The following SYNJ1 variants were observed in gnomAD, a reference collection of about 807,000 sequenced individuals.
SYNJ1 encodes the protein polyphosphatidylinositol phosphatase SYNJ1.
SYNJ1 carries 78 observed loss-of-function variants against 168.2 expected under a neutral mutation model. That is an observed-to-expected ratio of 0.46 (90% CI 0.39 to 0.56). The LOEUF (loss-of-function observed/expected upper bound fraction) is 0.56, where lower values mean the gene tolerates loss of function less well. SYNJ1 is among the 20% of genes least tolerant of loss of function. SYNJ1 has a pLI of 0.00. For synonymous variants in SYNJ1, 539 were observed against 548.6 expected (o/e 0.98, Z 0.24); for missense variants, 1,303 against 1,597.6 (o/e 0.82, Z 3.14).
Position 32,643,446 on chromosome 21 carries a change from G to A in SYNJ1, c.3442C>T (p.Pro1148Ser). ...CTCCTAGCTACCCCAGGACTGGGAG[G>A]GGCTCCAATACCTTTTTAGAGAAAG... Reference protein sequence around the residue: ...TRKEFGGIGAPPSPGVARREM... With the variant: ...TRKEFGGIGASPSPGVARREM... Residue 1148 changes from proline to serine, a missense_variant, in exon 27 of 33, where the codon CCT becomes TCT. Physicochemically the swap from Pro to Ser is moderately conservative, Grantham distance 74. Coordinates refer to ENST00000674351, the MANE Select transcript of SYNJ1 (RefSeq NM_203446.3). 6.2e-7 allele frequency: 1 copy of A among 1,613,592 alleles called. No homozygotes were observed. The highest frequency in any genetic ancestry group is 8.5e-7 in the Non-Finnish European group (1 of 1,179,742).
intron 25 of SYNJ1, 147 bp downstream of exon 25, chr21:32,645,499 A>G (rs1039791875): frequency 1.7e-6 from 2 of 1,189,602 alleles, no homozygotes; most frequent in South Asian, 1.8e-5. Context: ...TGCGCCTACC[A>G]TGTTCTTTAG....
intron 2 of SYNJ1, among the ~76,000 whole-genome samples, chr21:32,704,131 A>G (rs909589457): frequency 6.6e-6 from 1 of 152,248 alleles, no homozygotes; most frequent in African/African-American, 2.4e-5. Context: ...CTATCTTCTC[A>G]TTAATTACAC....
At chr21:32,718,650 C>T (rs895281131) in intron 2 of SYNJ1, among the ~76,000 whole-genome samples, 2 of 151,400 alleles carry the variant, frequency 1.3e-5, no homozygotes, top group African/African-American at 2.4e-5. Context: ...ATGTTGACAG[C>T]GTTTGGCAAT....
At chr21:32,723,226 C>G (rs188380840) in intron 2 of SYNJ1, among the ~76,000 whole-genome samples, 1 of 152,328 alleles carries the variant, frequency 6.6e-6, no homozygotes. Context: ...TGTATTTTTA[C>G]TTGCAATCTT....
At chr21:32,672,007 C>T (rs1458407261) in intron 14 of SYNJ1, among the ~76,000 whole-genome samples, 4 of 134,310 alleles carry the variant, frequency 3.0e-5, no homozygotes, top group South Asian at 2.4e-4. Context: ...TGCAGTGAGC[C>T]GAGATCCTGC....
intron 18 of SYNJ1, among the ~76,000 whole-genome samples, chr21:32,659,483 C>A (rs1051907731): frequency 6.6e-6 from 1 of 152,116 alleles, no homozygotes; most frequent in African/African-American, 2.4e-5. Context: ...CCCAGCACTG[C>A]GCCCTGGGCC....
In SYNJ1 at chr21:32,646,460, A is replaced by G. The variant is rs756387599; in HGVS notation, c.3180T>C (p.Pro1060=). Residue 1060 remains proline (P), a synonymous_variant, in exon 24 of 33, where the codon CCT becomes CCC. Transcript: ENST00000674351. Reference sequence around the variant, plus strand: ...TTGGTCTGATGGGAAGGGAAGGTACAGGACCCTCTGATATTGTAGGTGACT... The same window carrying G: ...TTGGTCTGATGGGAAGGGAAGGTACGGGACCCTCTGATATTGTAGGTGACT... The part of the protein sequence containing the change: ...PCQSPTISEG[P]VPSLPIRPSR... 1.2e-6 allele frequency: 2 copies of G among 1,614,192 alleles called. No homozygotes were observed. Among genetic ancestry groups the G allele is most frequent in the South Asian group, 1.1e-5 (1 of 91,084 alleles).
intron 14 of SYNJ1, among the ~76,000 whole-genome samples, chr21:32,672,327 T>C (rs908218560): frequency 6.6e-6 from 1 of 151,642 alleles, no homozygotes; most frequent in Non-Finnish European, 1.5e-5. Context: ...AAAATCTTTT[T>C]CTTTCTTTCT....
At chr21:32,722,205 A>AATATATAT (rs1195698677) in intron 2 of SYNJ1, among the ~76,000 whole-genome samples, 7 of 65,728 alleles carry the variant, frequency 1.1e-4, no homozygotes, top group Admixed American at 1.7e-4. Flanking sequence ...AAAAAAAAAA[A>AATATATAT]ATATATATAT....
At position 32,673,530 on chromosome 21, in the gene SYNJ1, T is replaced by C; in HGVS notation, c.1536A>G (p.Ala512=). The change falls in exon 14 of 33, where the codon GCA becomes GCG. Residue 512 remains alanine (A), a splice_region_variant and synonymous_variant. Transcript: ENST00000674351. ...LRVSEQTLQS[A]SSKVLKSMCE... is the part of the protein sequence containing the mutation. ...ACATGCTCTTTAGTACTTTAGAAGA[T>C]GCTAATCAAGAGAAGACACAATAGA... 3.7e-6 allele frequency: 6 copies of C among 1,600,010 alleles called. No individual in the cohort carries two copies. The highest frequency in any genetic ancestry group is 5.1e-6 in the Non-Finnish European group (6 of 1,173,542).
chr21:32,644,014 A>T (rs943013213), intron 26 of SYNJ1, among the ~76,000 whole-genome samples: 1 of 152,238 alleles, frequency 6.6e-6, no homozygotes, highest in African/African-American at 2.4e-5. Context: ...ATTTCACTGT[A>T]ATCCACTGGC....
At chr21:32,681,460 G>A in intron 11 of SYNJ1, 36 bp downstream of exon 11, 6 of 1,556,738 alleles carry the variant, frequency 3.9e-6, no homozygotes, top group Non-Finnish European at 5.2e-6. Context: ...AGGAAAAAGA[G>A]GATATTCTGT....
chr21:32,695,846 G>T (rs844982), intron 4 of SYNJ1, among the ~76,000 whole-genome samples: 78,253 of 143,650 alleles, frequency 0.54, 21,564 homozygotes, highest in African/African-American at 0.68. Context: ...GTTTTGTTTT[G>T]TTTTTTTTTT....
intron 1 of SYNJ1, 132 bp from the exon 2 acceptor site, chr21:32,727,049 G>T (rs1044467489): frequency 1.6e-6 from 2 of 1,217,388 alleles, no homozygotes; most frequent in African/African-American, 3.1e-5. Flanking sequence ...AGACAGCTCT[G>T]GGAGAAAATG....
intron 23 of SYNJ1, among the ~76,000 whole-genome samples, chr21:32,648,548 G>C (rs2040155845): frequency 6.6e-6 from 1 of 152,090 alleles, no homozygotes; most frequent in Non-Finnish European, 1.5e-5. Context: ...AATTTCTCTT[G>C]GCTCTTTGAC....
At chr21:32,671,302 G>A (rs1333697163) in intron 14 of SYNJ1, among the ~76,000 whole-genome samples, 1 of 150,640 alleles carries the variant, frequency 6.6e-6, no homozygotes, top group Non-Finnish European at 1.5e-5. Context: ...GAAAGACCCT[G>A]TCTCAAAAAG....
intron 18 of SYNJ1, among the ~76,000 whole-genome samples, chr21:32,660,812 G>A (rs920328850): frequency 6.6e-5 from 10 of 152,326 alleles, no homozygotes; most frequent in Admixed American, 5.2e-4. Context: ...TTAAACTCTA[G>A]GGGAAAGGAC....
chr21:32,649,715 C>T (rs574314328), intron 23 of SYNJ1, among the ~76,000 whole-genome samples: 4 of 152,240 alleles, frequency 2.6e-5, no homozygotes, highest in African/African-American at 7.2e-5. Flanking sequence ...TTAAAGTATA[C>T]GCAAAATAAA....
chr21:32,676,312 A>G lies in SYNJ1; in HGVS notation c.1534+20T>C. On this transcript the variant is annotated intron_variant, in intron 13 of 32. Coordinates refer to ENST00000674351, the MANE Select transcript of SYNJ1 (RefSeq NM_203446.3). ...AAGAAAAAATTGCTTTTATTTATAG[A>G]TTGATTTTCTATACTGTACCTGACT... The G allele has an allele frequency of 6.4e-7, 1 of 1,555,292 alleles. No homozygotes were observed. The highest frequency in any genetic ancestry group is 1.3e-5 in the South Asian group (1 of 79,964).
Sources: gnomAD v4.1 joint callset for allele counts (sites outside exome capture counted in the v4.1 genomes callset) on GRCh38, gnomAD v4.1.1 for gene constraint, MANE v1.5 for transcripts, NCBI Gene and HGNC (gene_info 2026-07-23, HGNC 2026-07-21) for gene names.